The following CASQ2 variants were observed in gnomAD, a reference collection of about 807,000 sequenced individuals.
The protein encoded by CASQ2 is calsequestrin-2.
CASQ2 carries 49 observed loss-of-function variants against 46.5 expected under a neutral mutation model. The observed-to-expected ratio is 1.05, with a 90% CI of 0.84 to 1.34. The LOEUF is 1.34. Among genes scored for constraint, CASQ2 ranks in the 40% most tolerant of loss-of-function variants. The pLI is 0.00. For missense variants in CASQ2, 486 were observed against 481.3 expected (o/e 1.01, Z -0.09); for synonymous variants, 174 against 168.5 (o/e 1.03, Z -0.25).
intron 4 of CASQ2, among the ~76,000 whole-genome samples, chr1:115,736,352 C>T (rs1406242059): frequency 6.6e-6 from 1 of 151,580 alleles, no homozygotes; most frequent in Non-Finnish European, 1.5e-5. Flanking sequence ...AAGCTATATC[C>T]TGGGTTGGGC....
In CASQ2 at chr1:115,700,623, A is replaced by G. The variant is rs1169171748; in HGVS notation, c.*618T>C. ...CACATTTCAAGCCCTCTCCATAGCC[A>G]TCCAAAGGCTTGAATATCCAAGTTC... On this transcript the variant is annotated 3_prime_UTR_variant, in exon 11 of 11. Coordinates refer to ENST00000261448, the MANE Select transcript of CASQ2 (RefSeq NM_001232.4). 5.4e-6 allele frequency: 1 copy of G among 184,084 alleles called. No individual in the cohort carries two copies. Among genetic ancestry groups the G allele is most frequent in the South Asian group, 1.3e-4 (1 of 7,504 alleles). The allele number at this position is 184,084 out of a possible 1,614,324, so 11.4% of individuals were successfully genotyped here. A position where few individuals can be genotyped will look rare whatever the true frequency, so the allele number is the denominator to read the frequency against.
At chr1:115,735,934 G>T (rs1165109265) in intron 4 of CASQ2, among the ~76,000 whole-genome samples, 2 of 152,098 alleles carry the variant, frequency 1.3e-5, no homozygotes, top group African/African-American at 2.4e-5. Flanking sequence ...GGCCGAGGCG[G>T]GTGGATCATC....
chr1:115,718,529 T>C (rs1647255110), intron 7 of CASQ2, among the ~76,000 whole-genome samples: 1 of 152,238 alleles, frequency 6.6e-6, no homozygotes, highest in Non-Finnish European at 1.5e-5. Context: ...AGAACCCATG[T>C]AGTGTGTAGG....
intron 1 of CASQ2, among the ~76,000 whole-genome samples, chr1:115,752,435 A>G (rs1450218395): frequency 6.6e-6 from 1 of 152,222 alleles, no homozygotes; most frequent in Non-Finnish European, 1.5e-5. Flanking sequence ...AAAACAAATA[A>G]AAGCGGTAGT....
At chr1:115,761,461 AAGG>A (rs1557806723) in intron 1 of CASQ2, among the ~76,000 whole-genome samples, 1,296 of 14,130 alleles carry the variant, frequency 0.092, 437 homozygotes, top group East Asian at 0.12. Context: ...GAAGAAGAAG[AAGG>A]AGAAGAAGAA....
At chr1:115,761,550 G>A (rs887732120) in intron 1 of CASQ2, among the ~76,000 whole-genome samples, 33 of 148,494 alleles carry the variant, frequency 2.2e-4, no homozygotes, top group African/African-American at 8.3e-4. Flanking sequence ...GTGCACATGA[G>A]TCTTGTCAAT....
At chr1:115,708,328 T>C (rs932619889) in intron 8 of CASQ2, among the ~76,000 whole-genome samples, 5 of 152,194 alleles carry the variant, frequency 3.3e-5, no homozygotes, top group Admixed American at 3.3e-4. Context: ...CTGAAAAAGT[T>C]TCCTCTAGAT....
At chr1:115,762,872 C>A (rs1649011163) in intron 1 of CASQ2, among the ~76,000 whole-genome samples, 1 of 152,108 alleles carries the variant, frequency 6.6e-6, no homozygotes, top group Non-Finnish European at 1.5e-5. Context: ...TCATCCCAGG[C>A]TGGGTGCTAG....
At chr1:115,738,128 A>T in intron 4 of CASQ2, 96 bp downstream of exon 4, 1 of 795,108 alleles carries the variant, frequency 1.3e-6, no homozygotes, top group Non-Finnish European at 2.3e-6. Context: ...CCAGCAAAAG[A>T]GGTGCTGAAG....
At chr1:115,757,222 C>A (rs139869946) in intron 1 of CASQ2, among the ~76,000 whole-genome samples, 1 of 152,250 alleles carries the variant, frequency 6.6e-6, no homozygotes, top group East Asian at 1.9e-4. Flanking sequence ...CATTTCTGTT[C>A]TTTTACCGTC....
chr1:115,725,955 G>C (rs181860834), intron 6 of CASQ2, among the ~76,000 whole-genome samples: 2 of 152,304 alleles, frequency 1.3e-5, no homozygotes, highest in South Asian at 4.1e-4. Flanking sequence ...GGATTTTGTA[G>C]GTTAAAACTG....
chr1:115,746,626 T>C (rs903921770), intron 1 of CASQ2, among the ~76,000 whole-genome samples: 3 of 152,238 alleles, frequency 2.0e-5, no homozygotes, highest in Non-Finnish European at 4.4e-5. Flanking sequence ...CATGTGTATG[T>C]TCTCTACTAT....
chr1:115,724,170 C>G (rs576524784), intron 7 of CASQ2, among the ~76,000 whole-genome samples: 2 of 152,330 alleles, frequency 1.3e-5, no homozygotes, highest in African/African-American at 4.8e-5. Flanking sequence ...GCAGAGAACA[C>G]CAGGTTTGGC....
intron 1 of CASQ2, among the ~76,000 whole-genome samples, chr1:115,762,111 T>C (rs555045377): frequency 6.6e-6 from 1 of 152,310 alleles, no homozygotes; most frequent in African/African-American, 2.4e-5. Context: ...AGTTGCAGCC[T>C]GTTGAAAAAC....
intron 1 of CASQ2, among the ~76,000 whole-genome samples, chr1:115,748,274 C>T (rs1015410647): frequency 5.3e-5 from 8 of 152,162 alleles, no homozygotes; most frequent in African/African-American, 1.7e-4. Flanking sequence ...GAATCTGTGT[C>T]TTCTCCTTCA....
intron 1 of CASQ2, among the ~76,000 whole-genome samples, chr1:115,766,174 G>A (rs1472245746): frequency 6.6e-6 from 1 of 152,172 alleles, no homozygotes; most frequent in Non-Finnish European, 1.5e-5. Context: ...CGGGTCCAGA[G>A]GCTGAGCAAC....
chr1:115,761,436 A>ACTC (rs1648937347), intron 1 of CASQ2, among the ~76,000 whole-genome samples: 1 of 4,464 alleles, frequency 2.2e-4, no homozygotes, highest in African/African-American at 1.6e-3. Flanking sequence ...GAAGAAGAAG[A>ACTC]AGAAAGAAGA....
chr1:115,725,683 C>G (rs1647560220), intron 6 of CASQ2, 130 bp from the exon 7 acceptor site: 3 of 1,179,380 alleles, frequency 2.5e-6, no homozygotes, highest in African/African-American at 3.1e-5. Flanking sequence ...AGGGAGAGCC[C>G]TAAAAACCCA....
At chr1:115,751,200 G>A (rs1179271115) in intron 1 of CASQ2, among the ~76,000 whole-genome samples, 2 of 152,232 alleles carry the variant, frequency 1.3e-5, no homozygotes, top group Non-Finnish European at 2.9e-5. Context: ...TTAATATTAT[G>A]ACAGCTGGCT....
Sources: allele counts gnomAD v4.1 joint callset (sites outside exome capture counted in the v4.1 genomes callset), GRCh38; gene constraint gnomAD v4.1.1; transcripts MANE v1.5; gene names NCBI Gene and HGNC (gene_info 2026-07-23, HGNC 2026-07-21).